Variants in ATF7 observed in about 807,000 individuals in gnomAD.
ATF7 encodes the protein cyclic AMP-dependent transcription factor ATF-7.
In ATF7, 10 loss-of-function variants were observed where a neutral mutation model predicts 50.4. The ratio of observed to expected loss-of-function variants is 0.20; its 90% CI spans 0.12 to 0.34. The LOEUF (loss-of-function observed/expected upper bound fraction) is 0.34, where lower values mean the gene tolerates loss of function less well. Among genes scored for constraint, ATF7 ranks in the 10% least tolerant of loss-of-function variants. The pLI is 1.00. For missense variants in ATF7, 465 were observed against 613.9 expected, an observed-to-expected ratio of 0.76 and a Z score of 2.56; for synonymous variants, 201 against 226.4, an observed-to-expected ratio of 0.89 and a Z score of 1.01.
intron 8 of ATF7, among the ~76,000 whole-genome samples, chr12:53,532,143 G>A (rs1310239148): frequency 6.6e-6 from 1 of 152,128 alleles, no homozygotes; most frequent in African/African-American, 2.4e-5. Flanking sequence ...TAAAGCAATA[G>A]TGTCCAGATG....
chr12:53,592,705 T>C (rs2137777919), intron 2 of ATF7, among the ~76,000 whole-genome samples: 1 of 152,288 alleles, frequency 6.6e-6, no homozygotes, highest in East Asian at 1.9e-4. Flanking sequence ...GGTGATGAGT[T>C]CTATTGTGAT....
intron 1 of ATF7, among the ~76,000 whole-genome samples, chr12:53,622,402 C>T (rs748451960): frequency 1.3e-5 from 2 of 151,886 alleles, no homozygotes; most frequent in African/African-American, 2.4e-5. Context: ...GGGCAGATCA[C>T]GTGGTCAGGA....
rs549694208 is a variant in ATF7, at chr12:53,609,865, G to A, written c.-21-8844C>T. Among the ~76,000 whole-genome samples the A allele has an allele frequency of 8.5e-4, 110 of 130,022 alleles. 1 individual carries two copies. The highest frequency in any genetic ancestry group is 2.7e-3 in the African/African-American group (92 of 33,560). 85.3% of individuals were successfully genotyped at this position (130,022 alleles called of 152,430 possible). A position where few individuals can be genotyped will look rare whatever the true frequency, so the allele number is the denominator to read the frequency against. On this transcript the variant is annotated intron_variant, in intron 1 of 11. Coordinates refer to ENST00000420353, the MANE Select transcript of ATF7 (RefSeq NM_006856.3). ...AGGGTCTTGCTCTGTCGCCCAGGCT[G>A]GAGTGCAGTGGTGTGATCTTGGCTT... is the stretch of plus-strand genomic sequence containing the variant.
intron 3 of ATF7, among the ~76,000 whole-genome samples, chr12:53,550,331 AAAATAAATAAATAAATAAAT>A (rs200164879): frequency 8.1e-6 from 1 of 123,650 alleles, no homozygotes; most frequent in Admixed American, 8.7e-5. Flanking sequence ...CTCAAAAAAA[AAAATAAATAAATAAATAAAT>A]AAATAAATAA....
chr12:53,542,463 G>C (rs1324612287), intron 4 of ATF7, among the ~76,000 whole-genome samples: 1 of 151,228 alleles, frequency 6.6e-6, no homozygotes, highest in African/African-American at 2.4e-5. Context: ...GTCTCACTCT[G>C]TCACCCAGGC....
At chr12:53,579,936 C>A (rs1454270882) in intron 2 of ATF7, among the ~76,000 whole-genome samples, 1 of 152,090 alleles carries the variant, frequency 6.6e-6, no homozygotes, top group Non-Finnish European at 1.5e-5. Context: ...CTCTCACAAA[C>A]CCTTTATCTT....
chr12:53,581,207 A>T (rs979414983), intron 2 of ATF7, among the ~76,000 whole-genome samples: 6 of 152,342 alleles, frequency 3.9e-5, no homozygotes, highest in Non-Finnish European at 8.8e-5. Flanking sequence ...AACTGACAGA[A>T]CTGCAAAGAG....
In ATF7 at chr12:53,517,198, A is replaced by G. The variant is rs561172676; in HGVS notation, c.1391T>C (p.Leu464Pro). 2.0e-5 allele frequency: 33 copies of G among 1,613,872 alleles called. 1 individual carries two copies. The South Asian group carries it at 2.9e-4, about 14-fold the overall frequency. Residue 464 changes from leucine to proline, a missense_variant, in exon 12 of 12, where the codon CTG (leucine) becomes CCG (proline). Transcript: ENST00000420353. ...LTQMASQRTELSMPIQSHVIM... is the reference protein window; with the variant it reads ...LTQMASQRTEPSMPIQSHVIM... ...TACATGCGATTGTATCGGCATGCTC[A>G]GTTCTGTCCTTTGGCTGGCCATCTG... is the stretch of plus-strand genomic sequence containing the variant.
At chr12:53,554,538 T>C (rs911547400) in intron 2 of ATF7, among the ~76,000 whole-genome samples, 36 of 151,966 alleles carry the variant, frequency 2.4e-4, no homozygotes, top group African/African-American at 8.7e-4. Context: ...TAGTGAGCCA[T>C]GATTACACCA....
At chr12:53,539,295 T>C (rs1939397616) in intron 4 of ATF7, among the ~76,000 whole-genome samples, 1 of 152,218 alleles carries the variant, frequency 6.6e-6, no homozygotes, top group Non-Finnish European at 1.5e-5. Flanking sequence ...AAATCCCTCA[T>C]AGGCCAAGTG....
rs561408523 is a variant in ATF7, at chr12:53,548,378, A to G, written c.145+4163T>C. On this transcript the variant is annotated intron_variant, in intron 3 of 11. Transcript: ENST00000420353. Reference sequence around the variant, plus strand: ...GAGACAAGGTCTCGATTTGTCATCCAGTGAATGCAGTGGCATGATCATAGC... The same window carrying G: ...GAGACAAGGTCTCGATTTGTCATCCGGTGAATGCAGTGGCATGATCATAGC... Among the ~76,000 whole-genome samples the G allele has an allele frequency of 3.3e-5, 5 of 152,146 alleles. No homozygotes were observed. The East Asian group carries it at 9.7e-4, about 29-fold the overall frequency.
intron 2 of ATF7, among the ~76,000 whole-genome samples, chr12:53,594,946 G>C (rs1288224130): frequency 6.6e-6 from 1 of 150,766 alleles, no homozygotes; most frequent in Non-Finnish European, 1.5e-5. Flanking sequence ...TGATACGTAA[G>C]AGCGGTCTAC....
intron 2 of ATF7, among the ~76,000 whole-genome samples, chr12:53,594,524 C>A (rs946341130): frequency 6.6e-6 from 1 of 152,136 alleles, no homozygotes; most frequent in African/African-American, 2.4e-5. Context: ...GGGCAAGTGT[C>A]AAGAGTATCA....
chr12:53,616,740 C>T (rs372673281), intron 1 of ATF7, among the ~76,000 whole-genome samples: 3 of 151,048 alleles, frequency 2.0e-5, no homozygotes, highest in South Asian at 2.1e-4. Flanking sequence ...CTCAGGAGTT[C>T]GAGACCAGCC....
At chr12:53,594,201 G>C (rs1444523732) in intron 2 of ATF7, among the ~76,000 whole-genome samples, 2 of 152,224 alleles carry the variant, frequency 1.3e-5, no homozygotes, top group Non-Finnish European at 1.5e-5. Flanking sequence ...AAGGGAGTAG[G>C]AAAGAGGCCT....
intron 9 of ATF7, 148 bp downstream of exon 9, chr12:53,531,596 T>C (rs1340585725): frequency 8.0e-6 from 6 of 752,104 alleles, no homozygotes; most frequent in African/African-American, 3.5e-5. Flanking sequence ...CGTTTTGCTA[T>C]AGTCAAACTG....
At chr12:53,579,740 T>C (rs1942301526) in intron 2 of ATF7, among the ~76,000 whole-genome samples, 1 of 152,154 alleles carries the variant, frequency 6.6e-6, no homozygotes, top group South Asian at 2.1e-4. Flanking sequence ...AGAAAGGTCC[T>C]GTCCTGAGGA....
At chr12:53,529,024 G>C (rs928188563) in intron 9 of ATF7, among the ~76,000 whole-genome samples, 18 of 152,026 alleles carry the variant, frequency 1.2e-4, no homozygotes, top group African/African-American at 4.3e-4. Context: ...AGGACTGCTT[G>C]AGTCCAGGAG....
At chr12:53,587,837 ATATATAT>A (rs1455123593) in intron 2 of ATF7, among the ~76,000 whole-genome samples, 42 of 49,290 alleles carry the variant, frequency 8.5e-4, no homozygotes, top group Middle Eastern at 0.01. Flanking sequence ...ATATATATAT[ATATATAT>A]TTTTTTTTTT....
Sources: allele counts gnomAD v4.1 joint callset (sites outside exome capture counted in the v4.1 genomes callset), GRCh38; gene constraint gnomAD v4.1.1; transcripts MANE v1.5; gene names NCBI Gene and HGNC (gene_info 2026-07-23, HGNC 2026-07-21).